FRMD4A: variants seen among roughly 807,000 people sequenced by gnomAD.
The protein encoded by FRMD4A is FERM domain containing 4A.
In FRMD4A, 29 loss-of-function variants were observed where a neutral mutation model predicts 129.1. The observed-to-expected ratio is 0.22, with a 90% CI of 0.17 to 0.31. FRMD4A has a LOEUF of 0.31. FRMD4A is among the 10% of genes least tolerant of loss of function. The pLI is 1.00. For missense variants in FRMD4A, 1,272 were observed against 1,375.8 expected (o/e 0.92, Z 1.19); for synonymous variants, 634 against 571.6 (o/e 1.11, Z -1.56).
chr10:13,657,321 C>G lies in FRMD4A; in HGVS notation c.2268G>C (p.Ser756=). The part of the protein sequence containing the change: ...DCSSCTSHSS[S]EHYYPAQMNA... ...TCATCTGCGCCGGGTAGTAGTGCTC[C>G]GAGCTCGAGTGGCTGGTGCACGACG... The change falls in exon 22 of 25, where the codon TCG becomes TCC. Residue 756 remains serine, a synonymous_variant. Coordinates refer to ENST00000357447, the MANE Select transcript of FRMD4A (RefSeq NM_018027.5). 6.2e-7 allele frequency: 1 copy of G among 1,611,874 alleles called. No homozygotes were observed. The highest frequency in any genetic ancestry group is 8.5e-7 in the Non-Finnish European group (1 of 1,179,738).
chr10:14,150,415 A>T (rs775126762), intron 2 of FRMD4A, among the ~76,000 whole-genome samples: 1 of 152,222 alleles, frequency 6.6e-6, no homozygotes, highest in Non-Finnish European at 1.5e-5. Context: ...GCAAAGCTGA[A>T]ATAGAGATAA....
intron 2 of FRMD4A, among the ~76,000 whole-genome samples, chr10:13,931,979 A>AAACC (rs1554974907): frequency 3.0e-5 from 4 of 131,804 alleles, no homozygotes; most frequent in African/African-American, 1.1e-4. Context: ...ACCAACCAAC[A>AAACC]AACCAACCAA....
At chr10:14,123,308 G>C (rs1025016505) in intron 2 of FRMD4A, among the ~76,000 whole-genome samples, 2 of 152,170 alleles carry the variant, frequency 1.3e-5, no homozygotes, top group East Asian at 1.9e-4. Context: ...GCAGGCACAG[G>C]CTTGGCCATC....
intron 2 of FRMD4A, among the ~76,000 whole-genome samples, chr10:14,013,775 T>C (rs1677783695): frequency 6.6e-6 from 1 of 151,892 alleles, no homozygotes; most frequent in African/African-American, 2.4e-5. Flanking sequence ...CTACCAAAAA[T>C]ACAAAATTAG....
At chr10:13,717,605 C>T (rs1438141568) in intron 12 of FRMD4A, among the ~76,000 whole-genome samples, 1 of 126,606 alleles carries the variant, frequency 7.9e-6, no homozygotes, top group Non-Finnish European at 1.6e-5. Flanking sequence ...TGAGCCAACG[C>T]ACCCGGCTAA....
At chr10:13,885,466 G>A (rs1222849050) in intron 2 of FRMD4A, among the ~76,000 whole-genome samples, 2 of 152,148 alleles carry the variant, frequency 1.3e-5, no homozygotes, top group East Asian at 1.9e-4. Flanking sequence ...AGGAGGCAGG[G>A]ACACCAGCCT....
rs531965054 is a variant in FRMD4A, at chr10:13,730,056, T to C, written c.759+7788A>G. ...CTTTTCTGCTTTAATGTGTAATGGC[T>C]TCCGATGATCAGATGGCTGGTTTGT... On this transcript the variant is annotated intron_variant, in intron 12 of 24. Transcript: ENST00000357447. Among the ~76,000 whole-genome samples, 25 of 152,340 alleles carry C rather than the reference T, an allele frequency of 1.6e-4. No homozygotes were observed. In the South Asian group the frequency reaches 5.0e-3, roughly 30 times the overall value.
At chr10:14,159,466 A>T (rs1840768303) in intron 2 of FRMD4A, among the ~76,000 whole-genome samples, 1 of 152,194 alleles carries the variant, frequency 6.6e-6, no homozygotes, top group African/African-American at 2.4e-5. Flanking sequence ...AAAGAAACTG[A>T]AGAAGACAGA....
At chr10:14,235,766 G>C (rs1390764847) in intron 2 of FRMD4A, among the ~76,000 whole-genome samples, 1 of 152,208 alleles carries the variant, frequency 6.6e-6, no homozygotes, top group East Asian at 1.9e-4. Flanking sequence ...TTCTGTCCTT[G>C]AGAATATTTG....
intron 4 of FRMD4A, among the ~76,000 whole-genome samples, chr10:13,802,713 A>G (rs2093280544): frequency 6.6e-6 from 1 of 152,120 alleles, no homozygotes; most frequent in South Asian, 2.1e-4. Context: ...GCTTCAAGCA[A>G]TCCTCCTACT....
At chr10:14,320,397 T>A (rs1846929909) in intron 2 of FRMD4A, among the ~76,000 whole-genome samples, 1 of 152,012 alleles carries the variant, frequency 6.6e-6, no homozygotes, top group African/African-American at 2.4e-5. Flanking sequence ...AACCCCACCC[T>A]TGGCGGTTTA....
chr10:14,123,488 G>C (rs1302506182), intron 2 of FRMD4A, among the ~76,000 whole-genome samples: 2 of 152,218 alleles, frequency 1.3e-5, no homozygotes, highest in Non-Finnish European at 2.9e-5. Context: ...CCTTCTTCCT[G>C]CATAGGAAAA....
intron 16 of FRMD4A, 26 bp from the exon 17 acceptor site, chr10:13,670,554 G>A: frequency 1.2e-6 from 2 of 1,609,430 alleles, no homozygotes; most frequent in Non-Finnish European, 1.7e-6. Flanking sequence ...GGCATTCGGA[G>A]TGAGCACAAA....
In FRMD4A at chr10:13,883,868, C is replaced by A. The variant is rs567371413; in HGVS notation, c.46-24956G>T. ...AGATATAATGTTCTATAAATACTCT[C>A]CCTGTTTGCATATTTGCCTAATGTT... is the stretch of plus-strand genomic sequence containing the variant. On this transcript the variant is annotated intron_variant, in intron 2 of 24. Coordinates refer to ENST00000357447, the MANE Select transcript of FRMD4A (RefSeq NM_018027.5). 2.3e-3 allele frequency among the ~76,000 whole-genome samples: 350 copies of A among 152,228 alleles called. 1 individual carries two copies. The highest frequency in any genetic ancestry group is 8.2e-3 in the African/African-American group (342 of 41,530).
At chr10:13,785,433 A>G (rs1436978091) in intron 5 of FRMD4A, among the ~76,000 whole-genome samples, 1 of 152,168 alleles carries the variant, frequency 6.6e-6, no homozygotes, top group African/African-American at 2.4e-5. Context: ...CAGGTGTCTT[A>G]TATCACCAAG....
intron 2 of FRMD4A, among the ~76,000 whole-genome samples, chr10:14,032,973 C>T (rs1033852400): frequency 1.3e-5 from 2 of 152,104 alleles, no homozygotes; most frequent in African/African-American, 4.8e-5. Context: ...AGGTCTGGAA[C>T]GAAACTGAAT....
chr10:13,866,700 C>T (rs893622213), intron 2 of FRMD4A, among the ~76,000 whole-genome samples: 29 of 152,326 alleles, frequency 1.9e-4, no homozygotes, highest in African/African-American at 6.5e-4. Context: ...AATCCCTGCC[C>T]TGTAATCCCA....
chr10:13,718,977 G>A (rs2089150721), intron 12 of FRMD4A, among the ~76,000 whole-genome samples: 1 of 152,206 alleles, frequency 6.6e-6, no homozygotes, highest in African/African-American at 2.4e-5. Context: ...TTGAGTGAGT[G>A]AATGAATGAA....
At chr10:14,068,230 G>C (rs1835154213) in intron 2 of FRMD4A, among the ~76,000 whole-genome samples, 1 of 152,176 alleles carries the variant, frequency 6.6e-6, no homozygotes, top group Non-Finnish European at 1.5e-5. Context: ...TGGGGCAGAG[G>C]CTCAGCTGGT....
Sources: allele counts gnomAD v4.1 joint callset (sites outside exome capture counted in the v4.1 genomes callset), GRCh38; gene constraint gnomAD v4.1.1; transcripts MANE v1.5; gene names NCBI Gene and HGNC (gene_info 2026-07-23, HGNC 2026-07-21).